The following ETV6 variants were observed in gnomAD, a reference collection of about 807,000 sequenced individuals.
ETV6 encodes ETS variant transcription factor 6.
In ETV6, 16 loss-of-function variants were observed where a neutral mutation model predicts 51.1. The observed-to-expected ratio is 0.31, with a 90% CI of 0.21 to 0.48. ETV6 has a LOEUF of 0.48. Ranked by LOEUF, ETV6 falls within the 20% of genes least tolerant of loss-of-function variation. ETV6 has a pLI of 0.99. For synonymous variants in ETV6, 240 were observed against 224.1 expected (o/e 1.07, Z -0.64); for missense variants, 458 against 594.8 (o/e 0.77, Z 2.39).
Position 11,884,492 on chromosome 12 carries a change from C to T in ETV6, c.1057C>T (p.Arg353Trp), listed in dbSNP as rs758587774. The change falls in exon 6 of 8, where the codon CGG becomes TGG. Residue 353 changes from arginine to tryptophan, a missense_variant. Around this residue, in one of 4 missense-constraint regions of ETV6, gnomAD observed 55 missense variants for 151.2 expected, o/e 0.36. Transcript: ENST00000396373. The part of the protein sequence containing the change: ...DYVYQLLSDS[R>W]YENFIRWEDK... Reference sequence around the variant, plus strand: ...CGTCTATCAGTTGCTTTCTGACAGCCGGTACGAAAACTTCATCCGATGGGA... The same window carrying T: ...CGTCTATCAGTTGCTTTCTGACAGCTGGTACGAAAACTTCATCCGATGGGA... 1.9e-6 allele frequency: 3 copies of T among 1,614,126 alleles called. No individual in the cohort carries two copies. The highest frequency in any genetic ancestry group is 2.5e-6 in the Non-Finnish European group (3 of 1,180,014).
At chr12:11,768,211 C>G (rs1945191199) in intron 2 of ETV6, among the ~76,000 whole-genome samples, 1 of 151,954 alleles carries the variant, frequency 6.6e-6, no homozygotes, top group African/African-American at 2.4e-5. Context: ...TAGTAAAGAA[C>G]TATTAGCAAT....
At chr12:11,748,273 C>T (rs1048913962) in intron 1 of ETV6, among the ~76,000 whole-genome samples, 14 of 152,206 alleles carry the variant, frequency 9.2e-5, no homozygotes, top group Admixed American at 5.2e-4. Flanking sequence ...GCTTCAGAAG[C>T]CATCACTGGG....
intron 2 of ETV6, among the ~76,000 whole-genome samples, chr12:11,790,443 A>G (rs1945565436): frequency 1.3e-5 from 2 of 152,046 alleles, no homozygotes; most frequent in South Asian, 4.1e-4. Flanking sequence ...TTGGGATGCC[A>G]TTGGGTAAAT....
At chr12:11,726,946 T>C (rs1313695987) in intron 1 of ETV6, among the ~76,000 whole-genome samples, 1 of 152,222 alleles carries the variant, frequency 6.6e-6, no homozygotes, top group African/African-American at 2.4e-5. Context: ...ATCTCCAGTT[T>C]ACAGGTGAGG....
At chr12:11,853,946 AC>A (rs1282595580) in intron 4 of ETV6, among the ~76,000 whole-genome samples, 1 of 152,204 alleles carries the variant, frequency 6.6e-6, no homozygotes, top group Admixed American at 6.5e-5. Flanking sequence ...TTTTCCACCA[AC>A]AGTGGAGGTG....
intron 2 of ETV6, among the ~76,000 whole-genome samples, chr12:11,762,484 C>T (rs1233712128): frequency 2.0e-5 from 3 of 152,152 alleles, no homozygotes; most frequent in Non-Finnish European, 4.4e-5. Flanking sequence ...AGCTGATCTG[C>T]GTGGATGGGC....
At chr12:11,748,457 A>G (rs1343736750) in intron 1 of ETV6, among the ~76,000 whole-genome samples, 3 of 152,230 alleles carry the variant, frequency 2.0e-5, no homozygotes, top group Non-Finnish European at 2.9e-5. Context: ...CTTTATTTCC[A>G]GAATGTTAAT....
intron 1 of ETV6, among the ~76,000 whole-genome samples, chr12:11,746,590 C>T (rs760454510): frequency 2.0e-5 from 3 of 152,004 alleles, no homozygotes; most frequent in Admixed American, 6.6e-5. Flanking sequence ...TAAAAGGACA[C>T]GGAACTTTAA....
chr12:11,891,699 C>T lies in ETV6; in HGVS notation c.*653C>T. On this transcript the variant is annotated 3_prime_UTR_variant, in exon 8 of 8. Transcript: ENST00000396373. ...CCCTTGGTCCCCTCTGTCCTCCCGC[C>T]CTGCCTGCAGTTGAGATTCAGATGC... is the stretch of plus-strand genomic sequence containing the variant. 1 of 470,962 alleles carries T rather than the reference C, an allele frequency of 2.1e-6. No individual in the cohort carries two copies. The highest frequency in any genetic ancestry group is 1.8e-5 in the South Asian group (1 of 54,424). 29.2% of individuals were successfully genotyped at this position (470,962 alleles called of 1,614,324 possible).
Position 11,777,454 on chromosome 12 carries a change from G to GT in ETV6, c.163+24885dup, listed in dbSNP as rs1344122790. On this transcript the variant is annotated intron_variant, in intron 2 of 7. Transcript: ENST00000396373. ...TTTCTCTTTACTGTGGAGTTTTTTT[G>GT]TTTTTTTTTTCTTCTGGCATTGCCC... Among the ~76,000 whole-genome samples, 572 of 147,062 alleles carry GT rather than the reference G, an allele frequency of 3.9e-3. 6 individuals are homozygous for GT. The highest frequency in any genetic ancestry group is 0.016 in the East Asian group (79 of 5,058).
At chr12:11,809,782 T>C (rs1437569717) in intron 2 of ETV6, among the ~76,000 whole-genome samples, 1 of 151,356 alleles carries the variant, frequency 6.6e-6, no homozygotes, top group Non-Finnish European at 1.5e-5. Flanking sequence ...TGGCTATTGC[T>C]TGGAAAATGG....
At chr12:11,834,091 T>A (rs1265566696) in intron 2 of ETV6, among the ~76,000 whole-genome samples, 6 of 152,150 alleles carry the variant, frequency 3.9e-5, no homozygotes, top group African/African-American at 1.4e-4. Context: ...TTGGTAAGGG[T>A]CTACAAACTG....
chr12:11,658,515 G>A (rs146341053), intron 1 of ETV6, among the ~76,000 whole-genome samples: 5,180 of 152,282 alleles, frequency 0.034, 256 homozygotes, highest in African/African-American at 0.12. Flanking sequence ...GATTACAGGC[G>A]TGAGCCACTG....
At chr12:11,700,996 C>T (rs2120837023) in intron 1 of ETV6, among the ~76,000 whole-genome samples, 1 of 152,166 alleles carries the variant, frequency 6.6e-6, no homozygotes, top group South Asian at 2.1e-4. Context: ...TGAGGAGGAT[C>T]CTCTCATTCC....
chr12:11,704,832 A>C (rs924594565), intron 1 of ETV6, among the ~76,000 whole-genome samples: 2 of 152,110 alleles, frequency 1.3e-5, no homozygotes, highest in African/African-American at 4.8e-5. Flanking sequence ...TATTTAACAA[A>C]AATTCCTAAT....
At chr12:11,775,608 G>C (rs1401818942) in intron 2 of ETV6, among the ~76,000 whole-genome samples, 1 of 152,078 alleles carries the variant, frequency 6.6e-6, no homozygotes, top group African/African-American at 2.4e-5. Context: ...AATCTAGAGG[G>C]GAGACTCCAC....
At chr12:11,746,675 T>C (rs1865914507) in intron 1 of ETV6, among the ~76,000 whole-genome samples, 1 of 152,126 alleles carries the variant, frequency 6.6e-6, no homozygotes, top group South Asian at 2.1e-4. Flanking sequence ...CCTAGCCTCA[T>C]AGTTGACCCT....
intron 1 of ETV6, among the ~76,000 whole-genome samples, chr12:11,742,705 A>G (rs1301636797): frequency 6.6e-6 from 1 of 152,180 alleles, no homozygotes; most frequent in Non-Finnish European, 1.5e-5. Flanking sequence ...GGATTTCTCA[A>G]ATTCTTCATC....
intron 1 of ETV6, among the ~76,000 whole-genome samples, chr12:11,713,989 C>G (rs1424967209): frequency 1.3e-5 from 2 of 152,196 alleles, no homozygotes; most frequent in Non-Finnish European, 2.9e-5. Context: ...ATCAGCATCA[C>G]CTTTATTTGA....
Sources: allele counts gnomAD v4.1 joint callset (sites outside exome capture counted in the v4.1 genomes callset), GRCh38; gene constraint gnomAD v4.1.1; regional missense constraint gnomAD v4.1.1; transcripts MANE v1.5; gene names NCBI Gene and HGNC (gene_info 2026-07-23, HGNC 2026-07-21).